The following JAZF1 variants were observed in gnomAD, a reference collection of about 807,000 sequenced individuals.
JAZF1 encodes JAZF zinc finger 1.
In JAZF1, 8 loss-of-function variants were observed where a neutral mutation model predicts 26.4. The observed-to-expected ratio is 0.30, with a 90% CI of 0.18 to 0.55. The LOEUF (loss-of-function observed/expected upper bound fraction) is 0.55. JAZF1 is among the 20% of genes least tolerant of loss of function. JAZF1 has a pLI of 0.94. For synonymous variants in JAZF1, 126 were observed against 122.3 expected (o/e 1.03, Z -0.20); for missense variants, 199 against 322.0 (o/e 0.62, Z 2.92).
chr7:28,036,915 A>G (rs902597531), intron 1 of JAZF1, among the ~76,000 whole-genome samples: 5 of 152,182 alleles, frequency 3.3e-5, no homozygotes, highest in Non-Finnish European at 7.3e-5. Context: ...ATTGGCATCT[A>G]CAGAACAAAC....
chr7:27,943,506 C>T (rs1784880553), intron 2 of JAZF1, among the ~76,000 whole-genome samples: 1 of 152,206 alleles, frequency 6.6e-6, no homozygotes, highest in Admixed American at 6.5e-5. Context: ...AACGTGCTCC[C>T]TCTTCCCCGA....
At chr7:27,930,827 T>TTG (rs1562532416) in intron 2 of JAZF1, among the ~76,000 whole-genome samples, 1 of 140,642 alleles carries the variant, frequency 7.1e-6, no homozygotes, top group East Asian at 2.6e-4. Context: ...AGACAGCCAT[T>TTG]TTTTTTAAAA....
chr7:27,837,436 C>A (rs916707947), intron 4 of JAZF1, among the ~76,000 whole-genome samples: 1 of 152,224 alleles, frequency 6.6e-6, no homozygotes, highest in African/African-American at 2.4e-5. Context: ...TTTCCCCGTT[C>A]CCATGGGCTA....
Position 28,180,529 on chromosome 7 carries a change from C to G in JAZF1, c.49G>C (p.Gly17Arg). The G allele has an allele frequency of 3.1e-6, 5 of 1,610,580 alleles. No individual in the cohort carries two copies. The highest frequency in any genetic ancestry group is 4.2e-6 in the Non-Finnish European group (5 of 1,178,794). The change falls in exon 1 of 5, where the codon GGG (glycine) becomes CGG (arginine). Residue 17 changes from glycine (G) to arginine (R), a missense_variant. Gly to Arg is a moderately radical substitution (Grantham distance 125). Coordinates refer to ENST00000283928, the MANE Select transcript of JAZF1 (RefSeq NM_175061.4). ...ASFFSNTCRF[G>R]GCGLHFPTLA... Reference sequence around the variant, plus strand: ...GTGGGGAAGTGGAGTCCGCAGCCCCCGAATCGGCAGGTATTGGAGAAGAAG... The same window carrying G: ...GTGGGGAAGTGGAGTCCGCAGCCCCGGAATCGGCAGGTATTGGAGAAGAAG...
In JAZF1 at chr7:27,974,890, T is replaced by G. The variant is rs60241533; in HGVS notation, c.188+17019A>C. On this transcript the variant is annotated intron_variant, in intron 2 of 4. Coordinates refer to ENST00000283928, the MANE Select transcript of JAZF1 (RefSeq NM_175061.4). ...GCTTCTGGGGAGGCCTTAGGGAGTT[T>G]TTTTTTTTTTTTGAGATGGAGTCTC... 8.9e-4 allele frequency among the ~76,000 whole-genome samples: 129 copies of G among 145,596 alleles called. 2 individuals carry two copies. Among genetic ancestry groups the G allele is most frequent in the African/African-American group, 3.3e-3 (123 of 37,320 alleles).
chr7:27,973,594 C>T (rs993668547), intron 2 of JAZF1, among the ~76,000 whole-genome samples: 1 of 152,090 alleles, frequency 6.6e-6, no homozygotes, highest in South Asian at 2.1e-4. Context: ...CCACCATGCC[C>T]GGTAGGGGGT....
intron 1 of JAZF1, among the ~76,000 whole-genome samples, chr7:28,139,908 T>A (rs567288719): frequency 1.4e-4 from 22 of 152,066 alleles, no homozygotes; most frequent in African/African-American, 4.3e-4. Context: ...TAAAGTGGTG[T>A]GGAGGTATGT....
chr7:28,026,450 GC>G (rs1364823424), intron 1 of JAZF1, among the ~76,000 whole-genome samples: 1 of 152,142 alleles, frequency 6.6e-6, no homozygotes, highest in Non-Finnish European at 1.5e-5. Context: ...GGCACTTGTG[GC>G]CCAGTAATAG....
intron 1 of JAZF1, among the ~76,000 whole-genome samples, chr7:28,148,004 T>A (rs550731323): frequency 2.3e-4 from 35 of 152,278 alleles, no homozygotes; most frequent in African/African-American, 8.4e-4. Context: ...TTTATCCCCA[T>A]GCAACTGGGT....
At chr7:28,041,662 C>T (rs1381658240) in intron 1 of JAZF1, among the ~76,000 whole-genome samples, 2 of 152,100 alleles carry the variant, frequency 1.3e-5, no homozygotes, top group Non-Finnish European at 2.9e-5. Flanking sequence ...TAATACATAC[C>T]AGAGTTAACA....
chr7:28,129,717 G>A (rs1214885880), intron 1 of JAZF1, among the ~76,000 whole-genome samples: 2 of 152,018 alleles, frequency 1.3e-5, no homozygotes, highest in Non-Finnish European at 2.9e-5. Context: ...AGTTATACAT[G>A]TTCATTATAA....
intron 3 of JAZF1, among the ~76,000 whole-genome samples, chr7:27,886,468 T>C (rs903707449): frequency 1.6e-4 from 25 of 152,354 alleles, no homozygotes; most frequent in African/African-American, 5.8e-4. Context: ...CCCAAATCAC[T>C]TTCCCTATGA....
chr7:28,047,754 G>A (rs1406694339), intron 1 of JAZF1, among the ~76,000 whole-genome samples: 1 of 152,080 alleles, frequency 6.6e-6, no homozygotes, highest in Non-Finnish European at 1.5e-5. Context: ...CGTTAACTAA[G>A]CAAATTACAC....
intron 2 of JAZF1, among the ~76,000 whole-genome samples, chr7:27,957,740 T>G (rs1785122494): frequency 1.3e-5 from 2 of 152,218 alleles, no homozygotes; most frequent in African/African-American, 4.8e-5. Flanking sequence ...ATTTAATGAC[T>G]TCTTAATAGA....
chr7:27,832,924 C>T lies in JAZF1; in HGVS notation c.608G>A (p.Arg203His), dbSNP rs1782734429. 3.7e-6 allele frequency: 6 copies of T among 1,612,906 alleles called. No homozygotes were observed. In the African/African-American group the frequency reaches 5.3e-5, roughly 14 times the overall value. Reference sequence around the variant, plus strand: ...GCGACACTTGAATGGTTTGCGGACACGAATCTGTGTTCTGTGACCATTCTT... The same window carrying T: ...GCGACACTTGAATGGTTTGCGGACATGAATCTGTGTTCTGTGACCATTCTT... The part of the protein sequence containing the change: ...HAKNGHRTQI[R>H]VRKPFKCRCG... The change falls in exon 5 of 5, where the codon CGT (arginine) becomes CAT (histidine). Residue 203 changes from arginine (R) to histidine (H), a missense_variant. This residue lies in a region of JAZF1 where 62 missense variants were observed against 137.2 expected (regional missense o/e 0.45). Transcript: ENST00000283928.
At chr7:27,958,748 A>G (rs1373459167) in intron 2 of JAZF1, among the ~76,000 whole-genome samples, 3 of 152,152 alleles carry the variant, frequency 2.0e-5, no homozygotes, top group African/African-American at 7.2e-5. Context: ...TCAGCCTTCA[A>G]ATTTGATTTT....
Position 27,913,985 on chromosome 7 carries a change from C to T in JAZF1, c.189-18569G>A, listed in dbSNP as rs574351837. ...TTTATTTCCACAAGTTCTGAAAGCA[C>T]GTAAGGTGGCTCTTCAGGATAAAGA... On this transcript the variant is annotated intron_variant, in intron 2 of 4. Coordinates refer to ENST00000283928, the MANE Select transcript of JAZF1 (RefSeq NM_175061.4). Among the ~76,000 whole-genome samples, 29 of 152,008 alleles carry T rather than the reference C, an allele frequency of 1.9e-4. No individual in the cohort carries two copies. The South Asian group carries it at 5.0e-3, about 26-fold the overall frequency.
chr7:27,857,347 GGCCT>G (rs1306988968), intron 3 of JAZF1, among the ~76,000 whole-genome samples: 1 of 152,198 alleles, frequency 6.6e-6, no homozygotes, highest in African/African-American at 2.4e-5. Context: ...AACTCGTGCT[GGCCT>G]GCAAGTGCCG....
At chr7:28,092,807 G>A (rs1290039762) in intron 1 of JAZF1, among the ~76,000 whole-genome samples, 3 of 151,824 alleles carry the variant, frequency 2.0e-5, no homozygotes, top group Non-Finnish European at 2.9e-5. Context: ...GCTGCAGTGA[G>A]CCGTAATTAC....
Sources: allele counts gnomAD v4.1 joint callset (sites outside exome capture counted in the v4.1 genomes callset), GRCh38; gene constraint gnomAD v4.1.1; regional missense constraint gnomAD v4.1.1; transcripts MANE v1.5; gene names NCBI Gene and HGNC (gene_info 2026-07-23, HGNC 2026-07-21).